The following SEC16B variants were observed in gnomAD, a reference collection of about 807,000 sequenced individuals.
SEC16B encodes protein transport protein Sec16B.
Under a neutral mutation model 141.8 loss-of-function variants are expected in SEC16B, and 115 were observed. That is an observed-to-expected ratio of 0.81 (90% CI 0.70 to 0.95). SEC16B has a LOEUF of 0.95. Among genes scored for constraint, SEC16B ranks in the 40% least tolerant of loss-of-function variants. The probability of loss-of-function intolerance (pLI) is 0.00; values close to 1 mark genes in which losing one functional copy is unlikely to be tolerated. For missense variants in SEC16B, 1,291 were observed against 1,312.3 expected, an observed-to-expected ratio of 0.98 and a Z score of 0.25; for synonymous variants, 493 against 492.5, an observed-to-expected ratio of 1.00 and a Z score of -0.01.
intron 10 of SEC16B, among the ~76,000 whole-genome samples, chr1:177,955,303 C>T (rs537338595): frequency 6.6e-6 from 1 of 152,004 alleles, no homozygotes; most frequent in South Asian, 2.1e-4. Context: ...GAGACCAGCC[C>T]TGGCAACATA....
chr1:177,952,453 C>A (rs183163841), intron 11 of SEC16B, among the ~76,000 whole-genome samples: 156 of 152,280 alleles, frequency 1.0e-3, no homozygotes, highest in African/African-American at 3.7e-3. Flanking sequence ...TCTGGCTCAT[C>A]AAGAGCCTGG....
At chr1:177,944,022 C>G (rs1439179195) in intron 15 of SEC16B, among the ~76,000 whole-genome samples, 1 of 152,142 alleles carries the variant, frequency 6.6e-6, no homozygotes, top group Admixed American at 6.5e-5. Context: ...CATGTAGAAA[C>G]GTTGAGAAGA....
At chr1:177,966,804 A>T (rs987215355) in intron 2 of SEC16B, among the ~76,000 whole-genome samples, 1 of 152,056 alleles carries the variant, frequency 6.6e-6, no homozygotes, top group Non-Finnish European at 1.5e-5. Flanking sequence ...CGAACTCCCA[A>T]CCTCAGATGA....
At chr1:177,960,126 T>C (rs1440709722) in intron 8 of SEC16B, 12 of 562,700 alleles carry the variant, frequency 2.1e-5, no homozygotes, top group Admixed American at 1.6e-4. Context: ...TAAACTGTCA[T>C]GCTAATTTTT....
rs768134903 is a variant in SEC16B, at chr1:177,932,495, G to C, written c.3007C>G (p.Pro1003Ala). 4.5e-6 allele frequency: 7 copies of C among 1,543,152 alleles called. No homozygotes were observed. The highest frequency in any genetic ancestry group is 4.9e-5 in the East Asian group (2 of 40,842). The change falls in exon 24 of 26, where the codon CCA becomes GCA. Residue 1003 changes from proline to alanine, a missense_variant. By Grantham distance (27) the Pro-to-Ala change is conservative. This residue lies in a region of SEC16B where 605 missense variants were observed against 614.1 expected (regional missense o/e 0.99). Transcript: ENST00000308284. ...AGCCCAGGGGGGCCGCTTACCTCTG[G>C]TCCAGACAAGCCTCCAACCCCAGCG... is the stretch of plus-strand genomic sequence containing the variant. ...AGAGVGGLSG[P>A]ESVSFELCSN...
chr1:177,937,534 T>C, intron 18 of SEC16B, 21 bp from the exon 19 acceptor site: 1 of 1,488,008 alleles, frequency 6.7e-7, no homozygotes, highest in Non-Finnish European at 8.9e-7. Context: ...GGAACAAAGG[T>C]AAAGAAGTCA....
At chr1:177,953,600 C>T (rs1411005762) in intron 11 of SEC16B, among the ~76,000 whole-genome samples, 1 of 152,180 alleles carries the variant, frequency 6.6e-6, no homozygotes, top group East Asian at 1.9e-4. Flanking sequence ...GATCCTGGCT[C>T]TCTTTCACTC....
At chr1:177,972,802 G>A (rs1654015817), upstream of SEC16B, among the ~76,000 whole-genome samples, 1 of 152,152 alleles carries the variant, frequency 6.6e-6, no homozygotes, top group South Asian at 2.1e-4. Flanking sequence ...TAGGAGGTAG[G>A]CCTCCAAGAA....
Position 177,958,237 on chromosome 1 carries a change from GCTCAGCACTGGCCAGTC to G in SEC16B, c.1243_1259del (p.Asp415LeufsTer27), listed in dbSNP as rs1652782597. The G allele has an allele frequency of 1.2e-6, 2 of 1,607,194 alleles. No individual in the cohort carries two copies. Among genetic ancestry groups the G allele is most frequent in the Middle Eastern group, 3.3e-4 (2 of 6,054 alleles). On this transcript the variant is annotated frameshift_variant, in exon 10 of 26. Coordinates refer to ENST00000308284, the MANE Select transcript of SEC16B (RefSeq NM_033127.4). LOFTEE classifies it high-confidence loss of function. ...CCGTGAGCAGGTTCGGGGTCCCAGA[GCTCAGCACTGGCCAGTC>G]CTCATCGGTCAGGTTGATGAGGTTG... is the stretch of plus-strand genomic sequence containing the variant.
chr1:177,932,124 C>T (rs978127526), intron 24 of SEC16B, among the ~76,000 whole-genome samples: 2 of 152,166 alleles, frequency 1.3e-5, no homozygotes, highest in Non-Finnish European at 2.9e-5. Flanking sequence ...TATTGGTAGC[C>T]CATTCCAGTA....
chr1:177,953,796 C>T (rs984070934), intron 11 of SEC16B, among the ~76,000 whole-genome samples: 7 of 152,144 alleles, frequency 4.6e-5, no homozygotes, highest in African/African-American at 1.7e-4. Context: ...ACTTCTGGAT[C>T]TCACTGCCAG....
In SEC16B at chr1:177,946,543, A is replaced by G. The variant is rs1257293701; in HGVS notation, c.1664-12T>C. 1 of 1,555,890 alleles carries G rather than the reference A, an allele frequency of 6.4e-7. No individual in the cohort carries two copies. The highest frequency in any genetic ancestry group is 2.4e-5 in the East Asian group (1 of 41,568). ...AAGCCCCTTCCCAGCTGCGGGAGGA[A>G]GAGAACAAGACCCAATCACGGAGCA... On this transcript the variant is annotated splice_polypyrimidine_tract_variant and intron_variant, in intron 13 of 25. Transcript: ENST00000308284.
rs35959058 is a variant in SEC16B at position 177,967,874 on chromosome 1, G to A, written c.108C>T (p.Val36=). 89,588 of 1,613,910 alleles carry A rather than the reference G, an allele frequency of 0.056. 2,646 individuals carry two copies. Among genetic ancestry groups the A allele is most frequent in the African/African-American group, 0.063 (4,689 of 75,006 alleles). ...GFRRDGHHRP[V]PHSWHNGERF... ...TCTCTCCATTGTGCCAAGAGTGAGG[G>A]ACAGGCCGATGATGTCCATCTCTCC... is the stretch of plus-strand genomic sequence containing the variant. Residue 36 remains valine, a synonymous_variant, in exon 2 of 26, where the codon GTC becomes GTT. Coordinates refer to ENST00000308284, the MANE Select transcript of SEC16B (RefSeq NM_033127.4).
intron 12 of SEC16B, chr1:177,948,485 TAAG>T (rs1228694637): frequency 1.5e-6 from 2 of 1,304,018 alleles, no homozygotes; most frequent in Non-Finnish European, 2.0e-6. Context: ...ACTGCCACTT[TAAG>T]AATAAGAAAA....
At chr1:177,977,471 G>T (rs925199579) in intron 1 of SEC16B, among the ~76,000 whole-genome samples, 1 of 152,126 alleles carries the variant, frequency 6.6e-6, no homozygotes, top group Non-Finnish European at 1.5e-5. Flanking sequence ...GTACCTAGGG[G>T]GCTAGTGACA....
intron 1 of SEC16B, among the ~76,000 whole-genome samples, chr1:177,981,997 A>T (rs1473255555): frequency 6.6e-6 from 1 of 152,230 alleles, no homozygotes; most frequent in East Asian, 1.9e-4. Flanking sequence ...TAAGAAAATA[A>T]TAGTTTAAGG....
At chr1:177,970,574 T>C (rs897875816), upstream of SEC16B, among the ~76,000 whole-genome samples, 9 of 152,268 alleles carry the variant, frequency 5.9e-5, no homozygotes, top group African/African-American at 2.2e-4. Context: ...GTTTGCCCAG[T>C]GTGGGTTTTT....
rs1652966141 is a variant in SEC16B, at chr1:177,960,414, A to C, written c.937-11T>G. On this transcript the variant is annotated splice_polypyrimidine_tract_variant and intron_variant, in intron 7 of 25. Coordinates refer to ENST00000308284, the MANE Select transcript of SEC16B (RefSeq NM_033127.4). ...ATCATTAAGAATAACCTGGAATAAA[A>C]CAATCAGATTTTGTGTTTAAGACTG... is the stretch of plus-strand genomic sequence containing the variant. 2 of 1,580,324 alleles carry C rather than the reference A, an allele frequency of 1.3e-6. No individual in the cohort carries two copies. The highest frequency in any genetic ancestry group is 1.7e-6 in the Non-Finnish European group (2 of 1,157,244).
chr1:177,950,857 G>A (rs1652130857), intron 12 of SEC16B, among the ~76,000 whole-genome samples: 1 of 149,666 alleles, frequency 6.7e-6, no homozygotes, highest in Non-Finnish European at 1.5e-5. Flanking sequence ...ACAGAGGAAG[G>A]AAAAAAGAAA....
Sources: allele counts gnomAD v4.1 joint callset (sites outside exome capture counted in the v4.1 genomes callset), GRCh38; gene constraint gnomAD v4.1.1; regional missense constraint gnomAD v4.1.1; transcripts MANE v1.5; gene names NCBI Gene and HGNC (gene_info 2026-07-23, HGNC 2026-07-21).